Variants in ATG5 observed in about 807,000 individuals in gnomAD.
ATG5 encodes the protein autophagy protein 5.
A neutral mutation model predicts 36.5 loss-of-function variants in ATG5; 14 were observed. The observed-to-expected ratio is 0.38, with a 90% CI of 0.25 to 0.60. ATG5 has a LOEUF of 0.60. Ranked by LOEUF, ATG5 falls within the 20% of genes least tolerant of loss-of-function variation. The pLI, the probability that ATG5 is intolerant of heterozygous loss-of-function variation, is 0.60. For missense variants in ATG5, 195 were observed against 326.7 expected (o/e 0.60, Z 3.11); for synonymous variants, 95 against 101.5 (o/e 0.94, Z 0.38).
At chr6:106,316,317 C>A (rs911755956) in intron 1 of ATG5, 51 bp from the exon 2 acceptor site, 18 of 626,240 alleles carry the variant, frequency 2.9e-5, no homozygotes, top group Non-Finnish European at 4.4e-5. Flanking sequence ...GATGAATGAA[C>A]CTGCTAGAAA....
At chr6:106,274,430 G>A (rs1243635223) in intron 5 of ATG5, among the ~76,000 whole-genome samples, 1 of 152,080 alleles carries the variant, frequency 6.6e-6, no homozygotes, top group East Asian at 1.9e-4. Flanking sequence ...AGAGTTCTGA[G>A]AAATTAAAAT....
Position 106,248,750 on chromosome 6 carries a change from C to T in ATG5, c.479-506G>A, listed in dbSNP as rs189138553. Among the ~76,000 whole-genome samples the T allele has an allele frequency of 5.3e-5, 8 of 152,240 alleles. No individual in the cohort carries two copies. In the East Asian group the frequency reaches 1.5e-3, roughly 29 times the overall value. ...GGTCAGGCGTTCCTGACCAGCCTGA[C>T]CAACATGGAGAAACCCCGTCTCTAT... On this transcript the variant is annotated intron_variant, in intron 5 of 7. Coordinates refer to ENST00000369076, the MANE Select transcript of ATG5 (RefSeq NM_004849.4).
At chr6:106,223,127 G>T (rs1465283729) in intron 6 of ATG5, among the ~76,000 whole-genome samples, 1 of 152,110 alleles carries the variant, frequency 6.6e-6, no homozygotes, top group Non-Finnish European at 1.5e-5. Flanking sequence ...TTTGCCATCA[G>T]ATGATCTGTT....
At chr6:106,239,131 T>G (rs1425003317) in intron 6 of ATG5, among the ~76,000 whole-genome samples, 1 of 151,784 alleles carries the variant, frequency 6.6e-6, no homozygotes, top group Non-Finnish European at 1.5e-5. Flanking sequence ...GTCTTGGTAA[T>G]GCAATACTAT....
chr6:106,229,071 G>A (rs973719705), intron 6 of ATG5, among the ~76,000 whole-genome samples: 5 of 152,354 alleles, frequency 3.3e-5, no homozygotes, highest in Non-Finnish European at 7.3e-5. Context: ...TCCCAACCAC[G>A]ACTTTCTTGA....
At chr6:106,190,302 C>T (rs546851819) in intron 7 of ATG5, among the ~76,000 whole-genome samples, 7 of 152,208 alleles carry the variant, frequency 4.6e-5, no homozygotes, top group Non-Finnish European at 7.4e-5. Flanking sequence ...TATGGAAGAA[C>T]GTGGAAGTGT....
chr6:106,230,824 C>T (rs1777656274), intron 6 of ATG5, among the ~76,000 whole-genome samples: 1 of 152,130 alleles, frequency 6.6e-6, no homozygotes, highest in African/African-American at 2.4e-5. Context: ...CTGAGGGAAG[C>T]ATAAATTATA....
Position 106,312,886 on chromosome 6 carries a change from C to A in ATG5, c.108+3215G>T, listed in dbSNP as rs201330760. Among the ~76,000 whole-genome samples the A allele has an allele frequency of 1.6e-4, 25 of 152,284 alleles. 1 individual carries two copies. The East Asian group carries it at 4.2e-3, about 26-fold the overall frequency. ...TGAAAATGTGATTACAGAAAACTAACTGGTAGGAGGTGGAAGGCAGAGAAT... is the reference window on the plus strand; with the variant it reads ...TGAAAATGTGATTACAGAAAACTAAATGGTAGGAGGTGGAAGGCAGAGAAT... On this transcript the variant is annotated intron_variant, in intron 2 of 7. Coordinates refer to ENST00000369076, the MANE Select transcript of ATG5 (RefSeq NM_004849.4).
In ATG5 at chr6:106,224,546, G is replaced by A. The variant is rs147512766; in HGVS notation, c.574-22457C>T. ...GTAGTGAATGGAAGTAGATTGGTGG[G>A]ACCAGTTAGAACCTCACAGAGAAGA... On this transcript the variant is annotated intron_variant, in intron 6 of 7. Transcript: ENST00000369076. Among the ~76,000 whole-genome samples, 1,233 of 152,296 alleles carry A rather than the reference G, an allele frequency of 8.1e-3. 5 individuals carry two copies. Among genetic ancestry groups the A allele is most frequent in the Middle Eastern group, 0.024 (7 of 294 alleles).
intron 5 of ATG5, among the ~76,000 whole-genome samples, chr6:106,271,155 G>A (rs1019774529): frequency 6.6e-6 from 1 of 152,102 alleles, no homozygotes; most frequent in Non-Finnish European, 1.5e-5. Context: ...AGATAATTTG[G>A]TTCTTTCTCA....
intron 5 of ATG5, among the ~76,000 whole-genome samples, chr6:106,260,262 T>A (rs573556440): frequency 8.2e-4 from 125 of 152,250 alleles, no homozygotes; most frequent in African/African-American, 2.9e-3. Flanking sequence ...TATAATTTTT[T>A]AAAAAAGAAA....
chr6:106,254,241 C>G (rs1040899601), intron 5 of ATG5, among the ~76,000 whole-genome samples: 3 of 152,148 alleles, frequency 2.0e-5, no homozygotes, highest in African/African-American at 7.2e-5. Flanking sequence ...GTAAGACAGT[C>G]CCACTTTCCA....
At chr6:106,277,382 T>C (rs1434395140) in intron 5 of ATG5, among the ~76,000 whole-genome samples, 3 of 152,354 alleles carry the variant, frequency 2.0e-5, no homozygotes, top group African/African-American at 4.8e-5. Flanking sequence ...CTTTGCATCA[T>C]AGGATGGGAC....
chr6:106,248,306 T>C (rs1778430681), intron 5 of ATG5, 62 bp from the exon 6 acceptor site: 7 of 1,216,634 alleles, frequency 5.8e-6, no homozygotes, highest in Non-Finnish European at 7.2e-6. Context: ...ATACCTCACA[T>C]GAAGAGATGA....
chr6:106,201,881 G>A (rs1776444135), intron 7 of ATG5, 91 bp downstream of exon 7: 1 of 922,344 alleles, frequency 1.1e-6, no homozygotes, highest in Non-Finnish European at 1.6e-6. Flanking sequence ...ATATCTTCCT[G>A]AAATAACCTG....
At chr6:106,301,548 G>GATTC (rs1482254188) in intron 3 of ATG5, among the ~76,000 whole-genome samples, 9 of 152,026 alleles carry the variant, frequency 5.9e-5, no homozygotes, top group East Asian at 1.9e-4. Flanking sequence ...GGCAAATTTA[G>GATTC]ATTCATTCAT....
intron 5 of ATG5, among the ~76,000 whole-genome samples, chr6:106,270,931 A>C (rs772609428): frequency 6.6e-6 from 1 of 152,090 alleles, no homozygotes; most frequent in Non-Finnish European, 1.5e-5. Flanking sequence ...TAAGCCCCAA[A>C]TTTACTGACT....
intron 7 of ATG5, among the ~76,000 whole-genome samples, chr6:106,188,410 G>C (rs1405908764): frequency 6.6e-6 from 1 of 152,144 alleles, no homozygotes; most frequent in African/African-American, 2.4e-5. Context: ...AAGAGTAAAA[G>C]TTCCTTATCT....
intron 3 of ATG5, among the ~76,000 whole-genome samples, chr6:106,296,591 G>A (rs1010872577): frequency 6.6e-6 from 1 of 152,212 alleles, no homozygotes; most frequent in African/African-American, 2.4e-5. Flanking sequence ...GCTGAGGCGG[G>A]TGGTTCACCT....
Sources: allele counts gnomAD v4.1 joint callset (sites outside exome capture counted in the v4.1 genomes callset), GRCh38; gene constraint gnomAD v4.1.1; transcripts MANE v1.5; gene names NCBI Gene and HGNC (gene_info 2026-07-23, HGNC 2026-07-21).